RGN: variants seen among roughly 807,000 people sequenced by gnomAD.
The protein encoded by RGN is epididymis secretory protein Li 41.
In RGN, 19 loss-of-function variants were observed where a neutral mutation model predicts 20.6. That is an observed-to-expected ratio of 0.92 (90% CI 0.64 to 1.35). The LOEUF (loss-of-function observed/expected upper bound fraction) is 1.35, where lower values mean the gene tolerates loss of function less well. Ranked by LOEUF, RGN falls within the 40% of genes most tolerant of loss-of-function variation. RGN has a pLI of 0.00. For synonymous variants in RGN, 85 were observed against 87.2 expected, an observed-to-expected ratio of 0.97 and a Z score of 0.14; for missense variants, 302 against 232.7, an observed-to-expected ratio of 1.30 and a Z score of -1.94.
At position 47,090,915 on chromosome X, in the gene RGN, GGAAAGAAAGAAAGAAAGAAA is replaced by G. The variant is rs1167092040; in HGVS notation, c.563-712_563-693del. Among the ~76,000 whole-genome samples the G allele has an allele frequency of 7.0e-3, 362 of 51,900 alleles. 19 individuals are homozygous for G. Among genetic ancestry groups the G allele is most frequent in the Middle Eastern group, 0.025 (3 of 118 alleles). The allele number at this position is 51,900 out of a possible 115,157, so 45.1% of individuals were successfully genotyped here. On this transcript the variant is annotated intron_variant, in intron 5 of 7. Transcript: ENST00000397180. ...GAAGAAAGAAAGAAAGAAAGAAGAAGGAAAGAAAGAAAGAAAGAAAGAAAGAAAGAAAGAAAGAAAGAAAG... is the reference window on the plus strand; with the variant it reads ...GAAGAAAGAAAGAAAGAAAGAAGAAGGAAAGAAAGAAAGAAAGAAAGAAAG...
At chrX:47,086,542 T>A (rs1556384329) in intron 4 of RGN, among the ~76,000 whole-genome samples, 1 of 110,289 alleles carries the variant, frequency 9.1e-6, no homozygotes, top group Admixed American at 1.0e-4. Flanking sequence ...GTTCAGGCTA[T>A]CTCATAAGAC....
At chrX:47,084,660 A>C (rs1364791436) in intron 4 of RGN, 60 bp downstream of exon 4, 1 of 1,038,266 alleles carries the variant, frequency 9.6e-7, no homozygotes, top group African/African-American at 1.9e-5. Flanking sequence ...TTTGACATAC[A>C]AAGTTCTCAC....
intron 4 of RGN, among the ~76,000 whole-genome samples, 179 bp from the exon 5 acceptor site, chrX:47,089,597 A>G (rs1160774218): frequency 2.8e-5 from 1 of 36,283 alleles, no homozygotes; most frequent in Non-Finnish European, 4.3e-5. Flanking sequence ...ATATATATAT[A>G]TACACACACA....
chrX:47,082,166 A>G (rs1930358414), intron 3 of RGN, among the ~76,000 whole-genome samples: 1 of 111,507 alleles, frequency 9.0e-6, no homozygotes, highest in African/African-American at 3.3e-5. Context: ...ATCACTTTCT[A>G]TGGCCCAAGG....
chrX:47,090,260 T>C (rs1210756257), intron 5 of RGN, among the ~76,000 whole-genome samples: 1 of 111,177 alleles, frequency 9.0e-6, no homozygotes, highest in Non-Finnish European at 1.9e-5. Flanking sequence ...AATACAAATA[T>C]GGGTAGATTC....
chrX:47,092,924 G>C lies in RGN; in HGVS notation c.877G>C (p.Ala293Pro). ...KITGLGVKGIAPYSYAG is the reference protein window; with the variant it reads ...KITGLGVKGIPPYSYAG ...AACTGGTCTGGGGGTCAAAGGAATT[G>C]CTCCCTACTCCTATGCGGGATGAGG... is the stretch of plus-strand genomic sequence containing the variant. The change falls in exon 8 of 8, where the codon GCT (alanine) becomes CCT (proline). Residue 293 changes from alanine to proline, a missense_variant. Coordinates refer to ENST00000397180, the MANE Select transcript of RGN (RefSeq NM_152869.4). 8.3e-7 allele frequency: 1 copy of C among 1,207,034 alleles called. No individual in the cohort carries two copies. The highest frequency in any genetic ancestry group is 1.1e-6 in the Non-Finnish European group (1 of 891,702).
intron 4 of RGN, 71 bp from the exon 5 acceptor site, chrX:47,089,705 T>A: frequency 1.3e-6 from 1 of 762,015 alleles, no homozygotes; most frequent in Non-Finnish European, 1.9e-6. Context: ...GGATCCCTGG[T>A]GAGAAAGGAT....
At position 47,092,652 on chromosome X, in the gene RGN, G is replaced by A. The variant is rs148366844; in HGVS notation, c.850-245G>A. ...TGTAGAAACCCCTTTCTTAGCAGGC[G>A]GCAGATGATAGGAGTAATCCAGTTT... is the stretch of plus-strand genomic sequence containing the variant. On this transcript the variant is annotated intron_variant, in intron 7 of 7. Transcript: ENST00000397180. 5.2e-3 allele frequency among the ~76,000 whole-genome samples: 577 copies of A among 112,025 alleles called. 1 individual carries two copies. The highest frequency in any genetic ancestry group is 0.018 in the African/African-American group (553 of 30,884).
Sources: gnomAD v4.1 joint callset for allele counts (sites outside exome capture counted in the v4.1 genomes callset) on GRCh38, gnomAD v4.1.1 for gene constraint, MANE v1.5 for transcripts, NCBI Gene and HGNC (gene_info 2026-07-23, HGNC 2026-07-21) for gene names.